MARCHF1: variants seen among roughly 807,000 people sequenced by gnomAD.
The protein encoded by MARCHF1 is E3 ubiquitin-protein ligase MARCHF1.
A neutral mutation model predicts 54.2 loss-of-function variants in MARCHF1; 40 were observed. That is an observed-to-expected ratio of 0.74 (90% CI 0.57 to 0.96). MARCHF1 has a LOEUF of 0.96. MARCHF1 is among the 40% of genes least tolerant of loss of function. MARCHF1 has a pLI of 0.00. For missense variants in MARCHF1, 586 were observed against 656.5 expected, an observed-to-expected ratio of 0.89 and a Z score of 1.17; for synonymous variants, 236 against 236.3, an observed-to-expected ratio of 1.00 and a Z score of 0.01.
chr4:163,698,132 C>A lies in MARCHF1; in HGVS notation c.162+2681G>T, dbSNP rs550460706. Among the ~76,000 whole-genome samples the A allele has an allele frequency of 3.2e-4, 48 of 152,264 alleles. No individual in the cohort carries two copies. The South Asian group carries it at 9.7e-3, about 31-fold the overall frequency. ...TTAAATAACCTTCCTAAGAGTTACT[C>A]TGCTGTCCATCCAATCACTCCATTA... is the stretch of plus-strand genomic sequence containing the variant. On this transcript the variant is annotated intron_variant, in intron 5 of 9. Coordinates refer to ENST00000514618, the MANE Select transcript of MARCHF1 (RefSeq NM_001394959.1).
intron 2 of MARCHF1, among the ~76,000 whole-genome samples, chr4:164,006,997 A>C (rs1455366961): frequency 7.7e-5 from 1 of 13,050 alleles, no homozygotes; most frequent in Non-Finnish European, 2.1e-4. Flanking sequence ...TCTGAAAAAA[A>C]AAAAAAAAAA....
intron 5 of MARCHF1, among the ~76,000 whole-genome samples, chr4:163,694,813 G>A (rs147562948): frequency 4.3e-4 from 65 of 152,202 alleles, no homozygotes; most frequent in Non-Finnish European, 7.2e-4. Context: ...CGCCCAAGGA[G>A]TGAGTGTATA....
At chr4:163,994,761 AC>A (rs1423940784) in intron 2 of MARCHF1, among the ~76,000 whole-genome samples, 5 of 119,240 alleles carry the variant, frequency 4.2e-5, no homozygotes, top group African/African-American at 1.6e-4. Context: ...ACACACACAC[AC>A]ACACACACAC....
chr4:163,793,199 T>A (rs1747817493), intron 4 of MARCHF1, among the ~76,000 whole-genome samples: 1 of 152,222 alleles, frequency 6.6e-6, no homozygotes, highest in Non-Finnish European at 1.5e-5. Flanking sequence ...ACTCTAGAGA[T>A]GCAAGTTGCC....
intron 1 of MARCHF1, among the ~76,000 whole-genome samples, chr4:164,365,289 G>T (rs928974356): frequency 5.3e-5 from 8 of 152,116 alleles, no homozygotes; most frequent in South Asian, 2.1e-4. Flanking sequence ...GTTGATTCAG[G>T]TTGGTTTTCA....
chr4:163,724,844 A>G (rs1001377391), intron 4 of MARCHF1, among the ~76,000 whole-genome samples: 24 of 151,866 alleles, frequency 1.6e-4, no homozygotes, highest in African/African-American at 5.3e-4. Context: ...GCCGTTTGCT[A>G]AGACCATTGG....
At chr4:163,533,680 A>ATAATATAT (rs57042046) in intron 9 of MARCHF1, among the ~76,000 whole-genome samples, 1 of 144,134 alleles carries the variant, frequency 6.9e-6, no homozygotes, top group Admixed American at 7.0e-5. Flanking sequence ...TTTTATATAT[A>ATAATATAT]ATATATATAT....
In MARCHF1 at chr4:163,800,729, T is replaced by C. The variant is rs568472444; in HGVS notation, c.111+53292A>G. Among the ~76,000 whole-genome samples the C allele has an allele frequency of 3.5e-3, 539 of 152,224 alleles. 4 individuals are homozygous for C. Among genetic ancestry groups the C allele is most frequent in the African/African-American group, 0.012 (496 of 41,564 alleles). On this transcript the variant is annotated intron_variant, in intron 4 of 9. Coordinates refer to ENST00000514618, the MANE Select transcript of MARCHF1 (RefSeq NM_001394959.1). ...TGTCACACTTTACTTTTCAAACTGA[T>C]TGTTCAAAAAGAAAGTCTTCAGACT... is the stretch of plus-strand genomic sequence containing the variant.
chr4:163,804,406 A>T (rs1290433308), intron 4 of MARCHF1, among the ~76,000 whole-genome samples: 1 of 152,190 alleles, frequency 6.6e-6, no homozygotes, highest in Non-Finnish European at 1.5e-5. Flanking sequence ...TCCCAGACCT[A>T]CTAAAAGACT....
At position 163,938,461 on chromosome 4, in the gene MARCHF1, G is replaced by A. The variant is rs189193133; in HGVS notation, c.-39+50040C>T. 1.6e-4 allele frequency among the ~76,000 whole-genome samples: 25 copies of A among 152,228 alleles called. 1 individual carries two copies. Among genetic ancestry groups the A allele is most frequent in the Admixed American group, 1.6e-3 (25 of 15,260 alleles). On this transcript the variant is annotated intron_variant, in intron 3 of 9. Transcript: ENST00000514618. ...AAGAGTTAGGCATTCAGTAGTGGTG[G>A]CAGCCAGATATTCATTGGTAAGGAA...
chr4:164,004,291 AAAT>A (rs1179266249), intron 2 of MARCHF1, among the ~76,000 whole-genome samples: 3 of 152,008 alleles, frequency 2.0e-5, no homozygotes, highest in Admixed American at 2.0e-4. Flanking sequence ...CCAGAACTTA[AAAT>A]AAAATACAAT....
chr4:164,034,354 T>C (rs1302358556), intron 2 of MARCHF1, among the ~76,000 whole-genome samples: 1 of 152,082 alleles, frequency 6.6e-6, no homozygotes, highest in African/African-American at 2.4e-5. Context: ...GAAAAGGGAA[T>C]GCTTACACGC....
chr4:163,667,769 G>T (rs572272107), intron 5 of MARCHF1, among the ~76,000 whole-genome samples: 1 of 151,988 alleles, frequency 6.6e-6, no homozygotes, highest in Non-Finnish European at 1.5e-5. Flanking sequence ...GGAATTACAG[G>T]TGTGTGCCAC....
chr4:164,137,008 A>C (rs1039648765), intron 1 of MARCHF1, among the ~76,000 whole-genome samples: 1 of 152,186 alleles, frequency 6.6e-6, no homozygotes, highest in Admixed American at 6.5e-5. Context: ...GATATGTTAA[A>C]GTTTTGTTAG....
intron 1 of MARCHF1, among the ~76,000 whole-genome samples, chr4:164,327,414 T>A (rs1327169878): frequency 6.6e-6 from 1 of 152,116 alleles, no homozygotes; most frequent in African/African-American, 2.4e-5. Context: ...ACAAGGAGAA[T>A]TACAACTCCT....
At chr4:163,593,430 G>T (rs546553560) in intron 7 of MARCHF1, among the ~76,000 whole-genome samples, 6 of 152,274 alleles carry the variant, frequency 3.9e-5, no homozygotes, top group African/African-American at 1.4e-4. Context: ...TATAATCAAA[G>T]AAATATATAT....
intron 5 of MARCHF1, among the ~76,000 whole-genome samples, chr4:163,643,019 A>T (rs183303946): frequency 3.9e-5 from 6 of 151,978 alleles, no homozygotes; most frequent in African/African-American, 1.2e-4. Context: ...ATGTATGTTA[A>T]GAGTCAGGGT....
At chr4:164,009,720 A>C (rs1436203083) in intron 2 of MARCHF1, among the ~76,000 whole-genome samples, 1 of 152,182 alleles carries the variant, frequency 6.6e-6, no homozygotes, top group Non-Finnish European at 1.5e-5. Context: ...AGATGCTGAA[A>C]AGCATTTGAC....
rs1309129656 is a variant in MARCHF1, at chr4:163,612,858, A to AT, written c.422dup (p.Asn141LysfsTer2). ...GGCTTGAGATTTGAAGGTGAAAGTC[A>AT]TTTTTTCTCCCTCTTATTTGTTCTT... is the stretch of plus-strand genomic sequence containing the variant. On this transcript the variant is annotated frameshift_variant, in exon 7 of 10. Transcript: ENST00000514618. LOFTEE classifies it high-confidence loss of function. The AT allele has an allele frequency of 6.5e-7, 1 of 1,535,276 alleles. No individual in the cohort carries two copies.
Sources: allele counts gnomAD v4.1 joint callset (sites outside exome capture counted in the v4.1 genomes callset), GRCh38; gene constraint gnomAD v4.1.1; transcripts MANE v1.5; gene names NCBI Gene and HGNC (gene_info 2026-07-23, HGNC 2026-07-21).